The following KIF13B variants were observed in gnomAD, a reference collection of about 807,000 sequenced individuals.
KIF13B encodes the protein kinesin-like protein KIF13B.
In KIF13B, 127 loss-of-function variants were observed where a neutral mutation model predicts 222.0. The ratio of observed to expected loss-of-function variants is 0.57; its 90% CI spans 0.50 to 0.66. The LOEUF (loss-of-function observed/expected upper bound fraction) is 0.66. Among genes scored for constraint, KIF13B ranks in the 30% least tolerant of loss-of-function variants. The pLI, the probability that KIF13B is intolerant of heterozygous loss-of-function variation, is 0.00. For synonymous variants in KIF13B, 976 were observed against 919.0 expected, an observed-to-expected ratio of 1.06 and a Z score of -1.12; for missense variants, 2,173 against 2,379.0, an observed-to-expected ratio of 0.91 and a Z score of 1.80.
chr8:29,110,148 C>T (rs1809290244), intron 32 of KIF13B, 78 bp from the exon 33 acceptor site: 5 of 1,203,352 alleles, frequency 4.2e-6, no homozygotes, highest in East Asian at 2.6e-5. Flanking sequence ...CACACAGACA[C>T]ACAGAACGTA....
intron 1 of KIF13B, among the ~76,000 whole-genome samples, chr8:29,260,952 A>G (rs753332480): frequency 3.4e-4 from 51 of 152,160 alleles, no homozygotes; most frequent in Non-Finnish European, 4.4e-4. Flanking sequence ...TTGGACACCA[A>G]TTTTTAAAAA....
Position 29,071,533 on chromosome 8 carries a change from C to G in KIF13B, c.5218+87G>C. ...CCTCCCGGCCCCTCCCTCTCCTGCC[C>G]GGACCCTGTCCCCTCCCAGGCCGGC... On this transcript the variant is annotated intron_variant, in intron 39 of 39. Coordinates refer to ENST00000524189, the MANE Select transcript of KIF13B (RefSeq NM_015254.4). This position sits in a 1 kb window ranked among gnomAD's most constrained non-coding sequence, Gnocchi z 4.9. 6 of 1,260,238 alleles carry G rather than the reference C, an allele frequency of 4.8e-6. No homozygotes were observed. Among genetic ancestry groups the G allele is most frequent in the Non-Finnish European group, 6.7e-6 (6 of 899,120 alleles). 78.1% of individuals were successfully genotyped at this position (1,260,238 alleles called of 1,614,324 possible). A position where few individuals can be genotyped will look rare whatever the true frequency, so the allele number is the denominator to read the frequency against.
intron 3 of KIF13B, among the ~76,000 whole-genome samples, chr8:29,192,686 T>C (rs1238008850): frequency 1.3e-5 from 2 of 152,186 alleles, no homozygotes; most frequent in African/African-American, 2.4e-5. Flanking sequence ...GTCTAAAAGG[T>C]TAATTTTTTT....
chr8:29,078,356 T>A (rs1475535389), intron 37 of KIF13B, among the ~76,000 whole-genome samples: 1 of 149,498 alleles, frequency 6.7e-6, no homozygotes, highest in African/African-American at 2.5e-5. Context: ...ATAGAACGGG[T>A]GTGAACGCCA....
chr8:29,146,457 A>G lies in KIF13B; in HGVS notation c.2108T>C (p.Ile703Thr), dbSNP rs1327348639. Residue 703 changes from isoleucine to threonine, a missense_variant, in exon 18 of 40, where the codon ATT becomes ACT. Physicochemically the swap from Ile to Thr is moderately conservative, Grantham distance 89. This residue lies in a region of KIF13B where 1,480 missense variants were observed against 1,722.8 expected (regional missense o/e 0.86). Coordinates refer to ENST00000524189, the MANE Select transcript of KIF13B (RefSeq NM_015254.4). ...TGTTCTTTTATCCAGCTCCTCAGCAATGTAATTAGCTTCTCTCACCAATAG... is the reference window on the plus strand; with the variant it reads ...TGTTCTTTTATCCAGCTCCTCAGCAGTGTAATTAGCTTCTCTCACCAATAG... ...ANLLVREANY[I>T]AEELDKRTEY... 1 of 1,613,750 alleles carries G rather than the reference A, an allele frequency of 6.2e-7. No individual in the cohort carries two copies. The highest frequency in any genetic ancestry group is 1.3e-5 in the African/African-American group (1 of 74,922).
intron 2 of KIF13B, among the ~76,000 whole-genome samples, chr8:29,231,097 C>T (rs1212884811): frequency 6.6e-6 from 1 of 152,054 alleles, no homozygotes; most frequent in African/African-American, 2.4e-5. Flanking sequence ...CAAGGCTGTT[C>T]TTGAACTCCT....
intron 12 of KIF13B, among the ~76,000 whole-genome samples, chr8:29,161,708 C>CA (rs1554609867): frequency 8.3e-5 from 12 of 143,792 alleles, no homozygotes; most frequent in Non-Finnish European, 1.4e-4. Flanking sequence ...AACCCCCCCC[C>CA]AAAAAAAAAC....
rs887299925 is a variant in KIF13B at position 29,202,357 on chromosome 8, G to A, written c.150-6158C>T. Among the ~76,000 whole-genome samples the A allele has an allele frequency of 4.6e-5, 7 of 152,102 alleles. No homozygotes were observed. The East Asian group carries it at 5.8e-4, about 13-fold the overall frequency. On this transcript the variant is annotated intron_variant, in intron 2 of 39. Coordinates refer to ENST00000524189, the MANE Select transcript of KIF13B (RefSeq NM_015254.4). ...TTTTGAGACAGAGTCTTGCTCTGTT[G>A]CCCAGGCTAGAGTGCAGTGGCAAGA...
At chr8:29,142,338 A>C (rs1233414131) in intron 18 of KIF13B, 35 bp from the exon 19 acceptor site, 3 of 1,584,550 alleles carry the variant, frequency 1.9e-6, no homozygotes, top group Non-Finnish European at 2.6e-6. Context: ...TGAGAAACAC[A>C]CAGGCAGCGG....
At chr8:29,123,957 C>T in intron 27 of KIF13B, 67 bp downstream of exon 27, 2 of 978,542 alleles carry the variant, frequency 2.0e-6, no homozygotes, top group Non-Finnish European at 1.6e-6. Flanking sequence ...GATGTGGCTA[C>T]AAAGGGAGAA....
At chr8:29,223,451 T>C (rs1814860063) in intron 2 of KIF13B, among the ~76,000 whole-genome samples, 1 of 151,490 alleles carries the variant, frequency 6.6e-6, no homozygotes. Flanking sequence ...GATTATAAAA[T>C]ACATCCTGTA....
At chr8:29,180,841 A>C (rs766141295) in intron 7 of KIF13B, among the ~76,000 whole-genome samples, 2 of 152,170 alleles carry the variant, frequency 1.3e-5, no homozygotes, top group African/African-American at 2.4e-5. Flanking sequence ...ATAAGCTCTA[A>C]AACAGTTAAC....
At chr8:29,116,029 G>T (rs1016813008) in intron 31 of KIF13B, among the ~76,000 whole-genome samples, 3 of 152,172 alleles carry the variant, frequency 2.0e-5, no homozygotes, top group Non-Finnish European at 4.4e-5. Flanking sequence ...TGCCTGTTAC[G>T]TATCTACCTA....
chr8:29,083,738 AT>A (rs772248978), intron 37 of KIF13B, among the ~76,000 whole-genome samples: 1 of 151,826 alleles, frequency 6.6e-6, no homozygotes, highest in African/African-American at 2.4e-5. Flanking sequence ...GTTGCCCTGA[AT>A]TTTTTTTTAA....
At chr8:29,118,786 T>G (rs950207083) in intron 30 of KIF13B, 82 bp downstream of exon 30, 6 of 1,398,930 alleles carry the variant, frequency 4.3e-6, no homozygotes, top group African/African-American at 1.5e-5. Context: ...ACTGGCATGA[T>G]TGCCTTATTG....
intron 18 of KIF13B, among the ~76,000 whole-genome samples, chr8:29,142,716 G>A (rs1269935186): frequency 1.3e-5 from 2 of 152,110 alleles, no homozygotes; most frequent in Admixed American, 6.5e-5. Context: ...GCACGTGCCT[G>A]TAATGCCAGC....
intron 10 of KIF13B, among the ~76,000 whole-genome samples, chr8:29,170,226 T>G (rs1812179733): frequency 6.6e-6 from 1 of 152,234 alleles, no homozygotes; most frequent in African/African-American, 2.4e-5. Flanking sequence ...AGGAAAGAAT[T>G]TACTTTTGGA....
intron 37 of KIF13B, among the ~76,000 whole-genome samples, chr8:29,079,159 C>T (rs548447434): frequency 2.5e-4 from 38 of 152,294 alleles, no homozygotes; most frequent in Non-Finnish European, 5.1e-4. Flanking sequence ...CCTCAATGGA[C>T]GGCTTTTCCA....
At chr8:29,239,919 T>A (rs1234325506) in intron 2 of KIF13B, among the ~76,000 whole-genome samples, 1 of 151,226 alleles carries the variant, frequency 6.6e-6, no homozygotes, top group Non-Finnish European at 1.5e-5. Flanking sequence ...TGCCTTGGCC[T>A]CTCAAACTGC....
Sources: allele counts gnomAD v4.1 joint callset (sites outside exome capture counted in the v4.1 genomes callset), GRCh38; gene constraint gnomAD v4.1.1; regional missense constraint gnomAD v4.1.1; non-coding constraint Gnocchi (gnomAD v3.1); transcripts MANE v1.5; gene names NCBI Gene and HGNC (gene_info 2026-07-23, HGNC 2026-07-21).